Variants in ARID1B observed in about 807,000 individuals in gnomAD.
The protein encoded by ARID1B is AT-rich interactive domain-containing protein 1B.
In ARID1B, 30 loss-of-function variants were observed where a neutral mutation model predicts 212.3. The observed-to-expected ratio is 0.14, with a 90% confidence interval of 0.11 to 0.19. ARID1B has a LOEUF of 0.19. ARID1B is among the 10% of genes least tolerant of loss of function. The probability of loss-of-function intolerance (pLI) is 1.00; values close to 1 mark genes in which losing one functional copy is unlikely to be tolerated. For missense variants in ARID1B, 2,891 were observed against 3,204.0 expected (o/e 0.90, Z 2.36); for synonymous variants, 1,402 against 1,301.7 (o/e 1.08, Z -1.66).
rs1794122749 is a variant in ARID1B at position 157,201,581 on chromosome 6, G to A, written c.5263+93G>A. ...AGATGCTGTTCCTGCTCATCTTAAA[G>A]GGATGAAAAAATTATGACTAGAAGT... On this transcript the variant is annotated intron_variant, in intron 18 of 19. Transcript: ENST00000636930. This position sits in a 1 kb window ranked among gnomAD's most constrained non-coding sequence, Gnocchi z 5.2. 1 of 1,375,452 alleles carries A rather than the reference G, an allele frequency of 7.3e-7. No homozygotes were observed. The highest frequency in any genetic ancestry group is 9.6e-7 in the Non-Finnish European group (1 of 1,037,168). The allele number at this position is 1,375,452 out of a possible 1,614,324, so 85.2% of individuals were successfully genotyped here. A position where few individuals can be genotyped will look rare whatever the true frequency, so the allele number is the denominator to read the frequency against.
At chr6:156,921,139 G>A (rs1394254860) in intron 3 of ARID1B, among the ~76,000 whole-genome samples, 2 of 151,990 alleles carry the variant, frequency 1.3e-5, no homozygotes, top group Admixed American at 6.6e-5. Context: ...AAGAGCAGTG[G>A]GGGATTAACT....
intron 4 of ARID1B, among the ~76,000 whole-genome samples, chr6:157,001,910 A>G (rs1009977479): frequency 2.0e-5 from 3 of 152,218 alleles, no homozygotes; most frequent in African/African-American, 7.2e-5. Context: ...CCTTACCAAC[A>G]GCAGGCGGCG....
intron 1 of ARID1B, among the ~76,000 whole-genome samples, chr6:156,807,332 GTTCTCTGTTGTGTTTTGGT>G (rs1265713703): frequency 6.6e-6 from 1 of 152,062 alleles, no homozygotes; most frequent in African/African-American, 2.4e-5. Flanking sequence ...CAAGCTCAGG[GTTCTCTGTTGTGTTTTGGT>G]TTTTACTGCC....
Position 157,133,199 on chromosome 6 carries a change from G to T in ARID1B, c.2753G>T (p.Gly918Val), listed in dbSNP as rs138934947. ...TACGGTCCACAGATGAGCCAGTATG[G>T]ACCACAAGGTAAAACCAAAGCTTCT... is the stretch of plus-strand genomic sequence containing the variant. ...GTYGPQMSQY[G>V]PQGNYSRPPA... The change falls in exon 7 of 20, where the codon GGA becomes GTA. Residue 918 changes from glycine (G) to valine (V), a missense_variant. Gly to Val is a moderately radical substitution (Grantham distance 109). This residue lies in a region of ARID1B where 1,643 missense variants were observed against 1,544.0 expected (regional missense o/e 1.06). Transcript: ENST00000636930. The T allele has an allele frequency of 1.9e-6, 3 of 1,600,916 alleles. No homozygotes were observed. Among genetic ancestry groups the T allele is most frequent in the African/African-American group, 2.7e-5 (2 of 74,116 alleles).
intron 4 of ARID1B, among the ~76,000 whole-genome samples, chr6:156,947,579 C>G (rs1283036926): frequency 4.0e-5 from 6 of 150,580 alleles, no homozygotes; most frequent in Non-Finnish European, 8.8e-5. Flanking sequence ...ACATTTGGAT[C>G]CTAGCAGAGG....
At chr6:157,189,369 C>A (rs1793197719) in intron 13 of ARID1B, among the ~76,000 whole-genome samples, 1 of 152,116 alleles carries the variant, frequency 6.6e-6, no homozygotes, top group African/African-American at 2.4e-5. Context: ...AAATAAGTAT[C>A]CAGTCAAAAG....
intron 4 of ARID1B, among the ~76,000 whole-genome samples, chr6:157,012,418 C>G (rs1200523432): frequency 2.0e-5 from 3 of 152,160 alleles, no homozygotes; most frequent in African/African-American, 7.2e-5. Flanking sequence ...GCAAACAAGT[C>G]AAGTGTAAAC....
rs1479741471 is a variant in ARID1B at position 157,203,686 on chromosome 6, T to TA, written c.5264-179dup. On this transcript the variant is annotated intron_variant, in intron 18 of 19. Coordinates refer to ENST00000636930, the MANE Select transcript of ARID1B (RefSeq NM_001374828.1). This position sits in a 1 kb window ranked among gnomAD's most constrained non-coding sequence, Gnocchi z 4.4. ...ATCTGAAACCACAAAAGTTTCTCGT[T>TA]ACAGCTATGGCCTCCATTTAAAATC... The TA allele has an allele frequency of 2.5e-6, 2 of 796,492 alleles. No homozygotes were observed. Among genetic ancestry groups the TA allele is most frequent in the Admixed American group, 2.4e-5 (1 of 41,972 alleles). The allele number at this position is 796,492 out of a possible 1,614,324, so 49.3% of individuals were successfully genotyped here. A position where few individuals can be genotyped will look rare whatever the true frequency, so the allele number is the denominator to read the frequency against.
intron 3 of ARID1B, among the ~76,000 whole-genome samples, chr6:156,914,011 AGCCCG>A (rs1257965922): frequency 4.0e-4 from 43 of 106,494 alleles, no homozygotes; most frequent in African/African-American, 1.4e-3. Context: ...AGCCCTTCCC[AGCCCG>A]TGGTGCCCCC....
chr6:156,970,645 G>A (rs989289267), intron 4 of ARID1B, among the ~76,000 whole-genome samples: 6 of 152,186 alleles, frequency 3.9e-5, no homozygotes, highest in African/African-American at 1.4e-4. Flanking sequence ...AATTCTTTTA[G>A]GTTATAGAGC....
At chr6:156,950,645 G>A (rs941115782) in intron 4 of ARID1B, among the ~76,000 whole-genome samples, 3 of 152,086 alleles carry the variant, frequency 2.0e-5, no homozygotes, top group Non-Finnish European at 2.9e-5. Context: ...GTTTTTTAGC[G>A]CTGCTCTTTC....
At chr6:156,831,745 G>A (rs568162183) in intron 2 of ARID1B, among the ~76,000 whole-genome samples, 24 of 152,188 alleles carry the variant, frequency 1.6e-4, no homozygotes, top group Non-Finnish European at 3.2e-4. Context: ...ACAAATTGAT[G>A]TAGGTTGCCC....
In ARID1B at chr6:157,208,719, T is replaced by TC. The variant is rs1794633419; in HGVS notation, c.*828_*829insC. ...ATACCCTCATTTTTTTCTTTTCTTTTTTTTTTTTTTTTTTAGTACAAAGTT... is the reference window on the plus strand; with the variant it reads ...ATACCCTCATTTTTTTCTTTTCTTTTCTTTTTTTTTTTTTTAGTACAAAGTT... On this transcript the variant is annotated 3_prime_UTR_variant, in exon 20 of 20. Transcript: ENST00000636930. 9.1e-6 allele frequency: 2 copies of TC among 219,374 alleles called. No individual in the cohort carries two copies. Among genetic ancestry groups the TC allele is most frequent in the East Asian group, 6.7e-5 (1 of 14,874 alleles). 13.6% of individuals were successfully genotyped at this position (219,374 alleles called of 1,614,324 possible). A position where few individuals can be genotyped will look rare whatever the true frequency, so the allele number is the denominator to read the frequency against.
rs1352889543 is a variant in ARID1B at position 157,204,007 on chromosome 6, A to G, written c.5394+11A>G. The stretch of plus-strand genomic sequence containing the variant: ...TTCAATCTCTCCCAGGTAAGCCAGC[A>G]TAGTCCAACTAACAACCAAATTAGG... On this transcript the variant is annotated intron_variant, in intron 19 of 19. Transcript: ENST00000636930. 1.2e-6 allele frequency: 2 copies of G among 1,613,950 alleles called. No individual in the cohort carries two copies. The highest frequency in any genetic ancestry group is 8.5e-7 in the Non-Finnish European group (1 of 1,179,846).
intron 5 of ARID1B, among the ~76,000 whole-genome samples, chr6:157,102,604 C>CTTT (rs35977420): frequency 1.5e-4 from 10 of 66,250 alleles, no homozygotes; most frequent in Non-Finnish European, 2.2e-4. Flanking sequence ...CTGAGTGGTT[C>CTTT]TTTTTTTTTT....
At chr6:156,935,434 A>G (rs1466032039) in intron 3 of ARID1B, 32 bp from the exon 4 acceptor site, 1 of 1,535,634 alleles carries the variant, frequency 6.5e-7, no homozygotes, top group East Asian at 2.2e-5. Context: ...TGAGATATTT[A>G]TGAAGTGCTT....
intron 7 of ARID1B, among the ~76,000 whole-genome samples, chr6:157,137,978 T>C (rs1334668415): frequency 6.6e-6 from 1 of 152,208 alleles, no homozygotes; most frequent in Non-Finnish European, 1.5e-5. Context: ...ATGTGTCTCA[T>C]AAGTTCAACA....
At chr6:157,092,441 G>T (rs577463392) in intron 5 of ARID1B, among the ~76,000 whole-genome samples, 6 of 152,326 alleles carry the variant, frequency 3.9e-5, no homozygotes, top group African/African-American at 1.4e-4. Context: ...TTGCTGTCTG[G>T]TGGCCAAGGC....
At chr6:156,806,162 T>G (rs1214371385) in intron 1 of ARID1B, among the ~76,000 whole-genome samples, 1 of 152,212 alleles carries the variant, frequency 6.6e-6, no homozygotes, top group Non-Finnish European at 1.5e-5. Flanking sequence ...AAAATGGGGA[T>G]TAAGTGAATT....
Sources: allele counts gnomAD v4.1 joint callset (sites outside exome capture counted in the v4.1 genomes callset), GRCh38; gene constraint gnomAD v4.1.1; regional missense constraint gnomAD v4.1.1; non-coding constraint Gnocchi (gnomAD v3.1); transcripts MANE v1.5; gene names NCBI Gene and HGNC (gene_info 2026-07-23, HGNC 2026-07-21).